The following HMCN1 variants were observed in gnomAD, a reference collection of about 807,000 sequenced individuals.
HMCN1 encodes hemicentin-1.
Under a neutral mutation model 625.9 loss-of-function variants are expected in HMCN1, and 321 were observed. The ratio of observed to expected loss-of-function variants is 0.51; its 90% CI spans 0.47 to 0.56. HMCN1 has a LOEUF of 0.56. Ranked by LOEUF, HMCN1 falls within the 20% of genes least tolerant of loss-of-function variation. The pLI is 0.00. For synonymous variants in HMCN1, 2,425 were observed against 2,417.6 expected (o/e 1.00, Z -0.09); for missense variants, 6,588 against 6,887.3 (o/e 0.96, Z 1.54).
At chr1:186,047,818 T>C (rs1395645123) in intron 41 of HMCN1, among the ~76,000 whole-genome samples, 1 of 152,164 alleles carries the variant, frequency 6.6e-6, no homozygotes, top group African/African-American at 2.4e-5. Context: ...GTTCTCCATG[T>C]GTGCTTTTAG....
At chr1:186,137,220 CTT>C (rs1649661639) in intron 87 of HMCN1, among the ~76,000 whole-genome samples, 1 of 152,144 alleles carries the variant, frequency 6.6e-6, no homozygotes, top group South Asian at 2.1e-4. Context: ...CAAAGAATGA[CTT>C]ATGTCCAAAA....
chr1:186,100,541 T>C (rs575648455), intron 68 of HMCN1, among the ~76,000 whole-genome samples: 1 of 152,232 alleles, frequency 6.6e-6, no homozygotes, highest in South Asian at 2.1e-4. Flanking sequence ...TTAAGAAGTC[T>C]GCTTTTTATC....
intron 63 of HMCN1, among the ~76,000 whole-genome samples, chr1:186,089,330 C>T (rs1659705418): frequency 6.6e-6 from 1 of 152,002 alleles, no homozygotes; most frequent in African/African-American, 2.4e-5. Context: ...AGTATTGAAA[C>T]TGAAATGAAA....
chr1:185,857,721 C>A (rs1662559678), intron 2 of HMCN1, among the ~76,000 whole-genome samples: 1 of 152,028 alleles, frequency 6.6e-6, no homozygotes, highest in African/African-American at 2.4e-5. Context: ...GTTAAGTGTA[C>A]CTCGAATATG....
intron 89 of HMCN1, among the ~76,000 whole-genome samples, chr1:186,138,625 G>A (rs1649770092): frequency 6.6e-6 from 1 of 152,052 alleles, no homozygotes; most frequent in African/African-American, 2.4e-5. Context: ...CTTTCCATGT[G>A]GTGGAAACAA....
At position 186,151,187 on chromosome 1, in the gene HMCN1, T is replaced by G. The variant is rs1472056112; in HGVS notation, c.14609-13T>G. The G allele has an allele frequency of 2.2e-5, 35 of 1,613,496 alleles. No homozygotes were observed. Among genetic ancestry groups the G allele is most frequent in the Non-Finnish European group, 2.5e-5 (29 of 1,179,644 alleles). Reference sequence around the variant, plus strand: ...GCATCCTTATCCAGGAATGTTTTTTTTTCCCCCAATAGGTGGGCCCCAGCG... The same window carrying G: ...GCATCCTTATCCAGGAATGTTTTTTGTTCCCCCAATAGGTGGGCCCCAGCG... On this transcript the variant is annotated splice_polypyrimidine_tract_variant and intron_variant, in intron 93 of 106. Coordinates refer to ENST00000271588, the MANE Select transcript of HMCN1 (RefSeq NM_031935.3).
intron 89 of HMCN1, among the ~76,000 whole-genome samples, chr1:186,140,083 C>A (rs1649858226): frequency 6.6e-6 from 1 of 152,146 alleles, no homozygotes; most frequent in Non-Finnish European, 1.5e-5. Flanking sequence ...AGGACATTCT[C>A]TTTCATGAAC....
intron 4 of HMCN1, among the ~76,000 whole-genome samples, chr1:185,868,272 CTAAGCCCTATAGAGAAACTA>C (rs1375952849): frequency 1.3e-5 from 2 of 152,066 alleles, no homozygotes; most frequent in Non-Finnish European, 2.9e-5. Flanking sequence ...AATGGAGAAA[CTAAGCCCTATAGAGAAACTA>C]TAAGCCCTAG....
chr1:185,995,310 C>T (rs1246288851), intron 24 of HMCN1, among the ~76,000 whole-genome samples: 1 of 151,974 alleles, frequency 6.6e-6, no homozygotes, highest in Admixed American at 6.6e-5. Flanking sequence ...GCAAAGTTGC[C>T]ATGGATCATG....
Position 185,977,832 on chromosome 1 carries a change from T to C in HMCN1, c.2417T>C (p.Ile806Thr). The C allele has an allele frequency of 6.2e-7, 1 of 1,613,298 alleles. No homozygotes were observed. The highest frequency in any genetic ancestry group is 1.1e-5 in the South Asian group (1 of 91,058). Reference sequence around the variant, plus strand: ...GAACCTGCTGATGTGTCTATGGAAATTGGCTCAAATGTGACATTACCTTGT... The same window carrying C: ...GAACCTGCTGATGTGTCTATGGAAACTGGCTCAAATGTGACATTACCTTGT... ...IQEPADVSME[I>T]GSNVTLPCYV... Residue 806 changes from isoleucine (I) to threonine (T), a missense_variant, in exon 16 of 107, where the codon ATT becomes ACT. Physicochemically the swap from Ile to Thr is moderately conservative, Grantham distance 89. This residue lies in a region of HMCN1 where 4,628 missense variants were observed against 4,853.1 expected (regional missense o/e 0.95). Coordinates refer to ENST00000271588, the MANE Select transcript of HMCN1 (RefSeq NM_031935.3).
intron 1 of HMCN1, among the ~76,000 whole-genome samples, chr1:185,814,702 T>A (rs1659736941): frequency 6.7e-6 from 1 of 148,450 alleles, no homozygotes; most frequent in Non-Finnish European, 1.5e-5. Flanking sequence ...ATTTATTTTT[T>A]TTTTTTTGAG....
intron 10 of HMCN1, 126 bp downstream of exon 10, chr1:185,928,793 A>C: frequency 9.4e-7 from 1 of 1,061,034 alleles, no homozygotes; most frequent in Non-Finnish European, 1.4e-6. Context: ...CTATCTCTCC[A>C]CTGAATTGAG....
intron 2 of HMCN1, among the ~76,000 whole-genome samples, chr1:185,858,475 T>C (rs1329205706): frequency 6.6e-6 from 1 of 151,350 alleles, no homozygotes; most frequent in African/African-American, 2.4e-5. Flanking sequence ...TAGCCCAGGC[T>C]GGAGTGCAGT....
intron 1 of HMCN1, among the ~76,000 whole-genome samples, chr1:185,738,935 T>A (rs914271100): frequency 2.6e-5 from 4 of 152,216 alleles, no homozygotes; most frequent in Non-Finnish European, 5.9e-5. Flanking sequence ...GTAAATTGTG[T>A]GTCACTGGGG....
At chr1:185,933,255 C>G (rs1039601925) in intron 10 of HMCN1, among the ~76,000 whole-genome samples, 2 of 151,774 alleles carry the variant, frequency 1.3e-5, no homozygotes, top group Non-Finnish European at 2.9e-5. Flanking sequence ...CTTTCACAAT[C>G]CTCAGTCAGT....
intron 20 of HMCN1, among the ~76,000 whole-genome samples, chr1:185,989,069 A>G (rs1029701823): frequency 7.1e-5 from 10 of 140,372 alleles, no homozygotes; most frequent in Admixed American, 3.8e-4. Flanking sequence ...GTGCAGTGGC[A>G]CGATCTTGGC....
intron 2 of HMCN1, among the ~76,000 whole-genome samples, chr1:185,851,482 G>T (rs1168583408): frequency 6.6e-6 from 1 of 152,032 alleles, no homozygotes; most frequent in South Asian, 2.1e-4. Flanking sequence ...TATTAAATTT[G>T]TACCATTAAT....
At chr1:185,769,929 G>T (rs1192197697) in intron 1 of HMCN1, among the ~76,000 whole-genome samples, 3 of 152,112 alleles carry the variant, frequency 2.0e-5, no homozygotes, top group Non-Finnish European at 4.4e-5. Flanking sequence ...TCTATTCTTG[G>T]AACTGGCATA....
At chr1:186,136,484 A>C (rs1649611795) in intron 86 of HMCN1, among the ~76,000 whole-genome samples, 184 bp from the exon 87 acceptor site, 1 of 152,222 alleles carries the variant, frequency 6.6e-6, no homozygotes, top group African/African-American at 2.4e-5. Flanking sequence ...GACATTTACT[A>C]AATAAAAAAG....
Sources: allele counts gnomAD v4.1 joint callset (sites outside exome capture counted in the v4.1 genomes callset), GRCh38; gene constraint gnomAD v4.1.1; regional missense constraint gnomAD v4.1.1; transcripts MANE v1.5; gene names NCBI Gene and HGNC (gene_info 2026-07-23, HGNC 2026-07-21).